RYR2: variants seen among roughly 807,000 people sequenced by gnomAD.
The protein encoded by RYR2 is ryanodine receptor 2.
RYR2 carries 227 observed loss-of-function variants against 601.1 expected under a neutral mutation model. The observed-to-expected ratio is 0.38, with a 90% confidence interval of 0.34 to 0.42. RYR2 has a LOEUF of 0.42. Ranked by LOEUF, RYR2 falls within the 10% of genes least tolerant of loss-of-function variation. The pLI is 1.00. For synonymous variants in RYR2, 2,223 were observed against 2,175.1 expected (o/e 1.02, Z -0.61); for missense variants, 4,646 against 6,156.5 (o/e 0.75, Z 8.21).
At chr1:237,363,319 A>G (rs1699937067) in intron 4 of RYR2, among the ~76,000 whole-genome samples, 1 of 152,094 alleles carries the variant, frequency 6.6e-6, no homozygotes, top group Non-Finnish European at 1.5e-5. Context: ...AACAGCCTGT[A>G]TTTTCTAAGC....
At chr1:237,161,485 A>G (rs1205025855) in intron 1 of RYR2, among the ~76,000 whole-genome samples, 1 of 152,084 alleles carries the variant, frequency 6.6e-6, no homozygotes, top group East Asian at 1.9e-4. Flanking sequence ...TTAATAAAAA[A>G]TTGTCTCTAA....
At chr1:237,314,626 C>T (rs1040926700) in intron 2 of RYR2, among the ~76,000 whole-genome samples, 1 of 152,028 alleles carries the variant, frequency 6.6e-6, no homozygotes, top group South Asian at 2.1e-4. Flanking sequence ...ACAGGTGCAT[C>T]GTAAATTGAA....
chr1:237,142,719 C>A (rs1261069339), intron 1 of RYR2, among the ~76,000 whole-genome samples: 1 of 152,178 alleles, frequency 6.6e-6, no homozygotes, highest in Non-Finnish European at 1.5e-5. Flanking sequence ...GTCAGACACA[C>A]AGAGGGACCG....
At chr1:237,608,035 A>G (rs1055604240) in intron 35 of RYR2, among the ~76,000 whole-genome samples, 2 of 152,208 alleles carry the variant, frequency 1.3e-5, no homozygotes, top group Non-Finnish European at 2.9e-5. Context: ...TGTATACACC[A>G]TTGTGCTAAA....
intron 2 of RYR2, among the ~76,000 whole-genome samples, chr1:237,298,570 A>G (rs890160183): frequency 1.3e-5 from 2 of 152,120 alleles, no homozygotes; most frequent in African/African-American, 4.8e-5. Flanking sequence ...TGGCTCTATT[A>G]GCTTCATTTG....
chr1:237,354,338 G>C lies in RYR2; in HGVS notation c.274-1627G>C, dbSNP rs532951999. 1.1e-3 allele frequency among the ~76,000 whole-genome samples: 165 copies of C among 150,212 alleles called. 1 individual carries two copies. The South Asian group carries it at 0.018, about 16-fold the overall frequency. ...CCATAACTTTATCTTTGCACTGATGGGAGTGTGTGTGTGTGTGTGTGTATG... is the reference window on the plus strand; with the variant it reads ...CCATAACTTTATCTTTGCACTGATGCGAGTGTGTGTGTGTGTGTGTGTATG... On this transcript the variant is annotated intron_variant, in intron 3 of 104. Coordinates refer to ENST00000366574, the MANE Select transcript of RYR2 (RefSeq NM_001035.3).
At chr1:237,752,220 G>A (rs1430021371) in intron 80 of RYR2, among the ~76,000 whole-genome samples, 1 of 152,136 alleles carries the variant, frequency 6.6e-6, no homozygotes, top group Non-Finnish European at 1.5e-5. Flanking sequence ...TAGAGGCAAT[G>A]TCTTGCTCTG....
intron 1 of RYR2, among the ~76,000 whole-genome samples, chr1:237,165,884 C>T (rs1194918443): frequency 6.6e-6 from 1 of 152,034 alleles, no homozygotes; most frequent in African/African-American, 2.4e-5. Context: ...TGCCTGTAGC[C>T]TGTTGTCAGG....
chr1:237,322,876 C>A (rs1318281200), intron 2 of RYR2, among the ~76,000 whole-genome samples: 3 of 147,538 alleles, frequency 2.0e-5, no homozygotes, highest in East Asian at 2.0e-4. Context: ...AAAAAAAAAA[C>A]CTTTTTTGAG....
intron 3 of RYR2, among the ~76,000 whole-genome samples, chr1:237,335,544 T>C (rs1006719399): frequency 1.3e-5 from 2 of 152,206 alleles, no homozygotes; most frequent in Non-Finnish European, 2.9e-5. Flanking sequence ...TATATTCTGT[T>C]GAGGACAGCG....
chr1:237,176,588 A>AAC (rs1678089288), intron 1 of RYR2, among the ~76,000 whole-genome samples: 1 of 152,050 alleles, frequency 6.6e-6, no homozygotes, highest in African/African-American at 2.4e-5. Context: ...TTTTTTAAAA[A>AAC]ACACCTTTAA....
intron 1 of RYR2, among the ~76,000 whole-genome samples, chr1:237,072,455 G>C (rs937129936): frequency 6.6e-5 from 10 of 152,158 alleles, no homozygotes; most frequent in Non-Finnish European, 1.0e-4. Flanking sequence ...GAGACAAGGA[G>C]ACATGAGCTG....
chr1:237,637,821 C>T (rs188895284), intron 44 of RYR2, among the ~76,000 whole-genome samples: 284 of 152,154 alleles, frequency 1.9e-3, no homozygotes, highest in African/African-American at 6.1e-3. Context: ...ATTCTTCTTT[C>T]GTAGTTTTAC....
chr1:237,223,974 T>A (rs1009817431), intron 1 of RYR2, among the ~76,000 whole-genome samples: 3 of 152,244 alleles, frequency 2.0e-5, no homozygotes, highest in African/African-American at 7.2e-5. Flanking sequence ...TTCATTATTC[T>A]TAGGGTTCTA....
chr1:237,228,969 T>C (rs945172852), intron 1 of RYR2, among the ~76,000 whole-genome samples: 1 of 152,166 alleles, frequency 6.6e-6, no homozygotes, highest in Non-Finnish European at 1.5e-5. Context: ...CACCAAGAAC[T>C]GTGGGAAGTA....
At chr1:237,646,550 C>G (rs962028299) in intron 48 of RYR2, among the ~76,000 whole-genome samples, 1 of 152,146 alleles carries the variant, frequency 6.6e-6, no homozygotes, top group Non-Finnish European at 1.5e-5. Flanking sequence ...GGTTATTATA[C>G]ATTCCATATT....
Position 237,491,935 on chromosome 1 carries a change from T to C in RYR2, c.1827+11T>C. 1 of 1,064,886 alleles carries C rather than the reference T, an allele frequency of 9.4e-7. No individual in the cohort carries two copies. Among genetic ancestry groups the C allele is most frequent in the Non-Finnish European group, 1.4e-6 (1 of 715,252 alleles). The allele number at this position is 1,064,886 out of a possible 1,614,324, so 66.0% of individuals were successfully genotyped here. ...GGAAGAAATCACAAGGTAAATGAACTATTTTATTTCCCTGAATGAATTCTC... is the reference window on the plus strand; with the variant it reads ...GGAAGAAATCACAAGGTAAATGAACCATTTTATTTCCCTGAATGAATTCTC... On this transcript the variant is annotated intron_variant, in intron 18 of 104. Coordinates refer to ENST00000366574, the MANE Select transcript of RYR2 (RefSeq NM_001035.3).
chr1:237,123,242 T>C (rs1199780756), intron 1 of RYR2, among the ~76,000 whole-genome samples: 2 of 152,208 alleles, frequency 1.3e-5, no homozygotes, highest in Non-Finnish European at 2.9e-5. Flanking sequence ...TACCCTAAGA[T>C]GCTTTCTCAT....
chr1:237,806,510 A>G (rs1660651328), intron 99 of RYR2, among the ~76,000 whole-genome samples: 1 of 152,208 alleles, frequency 6.6e-6, no homozygotes, highest in African/African-American at 2.4e-5. Flanking sequence ...TAATAAAAGT[A>G]CATACCTTAC....
Sources: gnomAD v4.1 joint callset for allele counts (sites outside exome capture counted in the v4.1 genomes callset) on GRCh38, gnomAD v4.1.1 for gene constraint, MANE v1.5 for transcripts, NCBI Gene and HGNC (gene_info 2026-07-23, HGNC 2026-07-21) for gene names.